The following DCAF12 variants were observed in gnomAD, a reference collection of about 807,000 sequenced individuals.
The protein encoded by DCAF12 is DDB1 and CUL4 associated factor 12.
DCAF12 carries 28 observed loss-of-function variants against 52.8 expected under a neutral mutation model. The observed-to-expected ratio is 0.53, with a 90% CI of 0.39 to 0.73. The LOEUF is 0.73. DCAF12 is among the 30% of genes least tolerant of loss of function. The pLI, the probability that DCAF12 is intolerant of heterozygous loss-of-function variation, is 0.00. For missense variants in DCAF12, 425 were observed against 552.2 expected (o/e 0.77, Z 2.31); for synonymous variants, 196 against 215.5 (o/e 0.91, Z 0.79).
intron 6 of DCAF12, among the ~76,000 whole-genome samples, chr9:34,094,531 CTTTT>C (rs903364873): frequency 1.4e-5 from 2 of 141,134 alleles, no homozygotes; most frequent in African/African-American, 5.2e-5. Context: ...ATTTCTCCAG[CTTTT>C]TTTTTTTTTT....
intron 5 of DCAF12, 83 bp downstream of exon 5, chr9:34,098,241 C>T: frequency 7.0e-7 from 1 of 1,429,102 alleles, no homozygotes; most frequent in Admixed American, 1.9e-5. Flanking sequence ...GTAGCAAGCA[C>T]TGATGGGGAA....
intron 2 of DCAF12, among the ~76,000 whole-genome samples, chr9:34,118,909 G>A (rs1057207314): frequency 1.3e-5 from 2 of 152,170 alleles, no homozygotes; most frequent in Non-Finnish European, 2.9e-5. Context: ...AGATTGCAGT[G>A]AGCCAAGATT....
Position 34,087,713 on chromosome 9 carries a change from C to T in DCAF12, c.*637G>A, listed in dbSNP as rs1201489436. ...GATTTTCCCAGTGGTAATTTCTTTT[C>T]CTTTCTGTTTTTACTTCCTATTATC... On this transcript the variant is annotated 3_prime_UTR_variant, in exon 9 of 9. Transcript: ENST00000361264. 2 of 152,186 alleles carry T rather than the reference C, an allele frequency of 1.3e-5. No individual in the cohort carries two copies. The highest frequency in any genetic ancestry group is 2.9e-5 in the Non-Finnish European group (2 of 68,038). The allele number at this position is 152,186 out of a possible 1,614,324, so 9.4% of individuals were successfully genotyped here. A position where few individuals can be genotyped will look rare whatever the true frequency, so the allele number is the denominator to read the frequency against.
rs565210505 is a variant in DCAF12, at chr9:34,099,514, G to A, written c.602-997C>T. 2.6e-5 allele frequency among the ~76,000 whole-genome samples: 4 copies of A among 152,064 alleles called. 1 individual carries two copies. Among genetic ancestry groups the A allele is most frequent in the Admixed American group, 1.3e-4 (2 of 15,252 alleles). ...CTCAACGTTCTGGGATTACAGGCAT[G>A]AGCCACCGCGCCTTACTCGAAATTC... On this transcript the variant is annotated intron_variant, in intron 4 of 8. Transcript: ENST00000361264.
chr9:34,126,100 A>T (rs1235967727), intron 1 of DCAF12, among the ~76,000 whole-genome samples: 1 of 152,078 alleles, frequency 6.6e-6, no homozygotes, highest in East Asian at 1.9e-4. Context: ...TTTCTTTTCA[A>T]GCCCTATCCA....
At position 34,088,104 on chromosome 9, in the gene DCAF12, T is replaced by G. The variant is rs1828587814; in HGVS notation, c.*246A>C. ...GAAAAATAGGGATTAGCAACAATGTTTGGTTGAAAAGCCAGAAATAATAAA... is the reference window on the plus strand; with the variant it reads ...GAAAAATAGGGATTAGCAACAATGTGTGGTTGAAAAGCCAGAAATAATAAA... On this transcript the variant is annotated 3_prime_UTR_variant, in exon 9 of 9. Transcript: ENST00000361264. The G allele has an allele frequency of 3.0e-6, 1 of 330,568 alleles. No individual in the cohort carries two copies. The highest frequency in any genetic ancestry group is 2.1e-5 in the African/African-American group (1 of 46,530). 20.5% of individuals were successfully genotyped at this position (330,568 alleles called of 1,614,324 possible). A position where few individuals can be genotyped will look rare whatever the true frequency, so the allele number is the denominator to read the frequency against.
At chr9:34,102,678 A>AACAAC (rs1828848029) in intron 4 of DCAF12, among the ~76,000 whole-genome samples, 1 of 90,756 alleles carries the variant, frequency 1.1e-5, no homozygotes, top group Non-Finnish European at 2.6e-5. Context: ...ACAACAACAA[A>AACAAC]AAACAAGAAC....
intron 4 of DCAF12, 56 bp from the exon 5 acceptor site, chr9:34,098,573 C>A: frequency 6.5e-7 from 1 of 1,542,784 alleles, no homozygotes; most frequent in Non-Finnish European, 8.8e-7. Flanking sequence ...ATGGGAAATC[C>A]CACAGACGCC....
chr9:34,088,912 C>A (rs961666414), intron 8 of DCAF12, among the ~76,000 whole-genome samples: 3 of 151,922 alleles, frequency 2.0e-5, no homozygotes, highest in Non-Finnish European at 4.4e-5. Context: ...GAGTTTGAGA[C>A]CAGCCTGGGC....
Position 34,093,383 on chromosome 9 carries a change from T to G in DCAF12, c.927A>C (p.Ser309=). The G allele has an allele frequency of 6.2e-7, 1 of 1,614,230 alleles. No homozygotes were observed. The highest frequency in any genetic ancestry group is 8.5e-7 in the Non-Finnish European group (1 of 1,180,046). ...NVCLAYGSEW[S]VYAVGSQAHV... Reference sequence around the variant, plus strand: ...GAGCTTGGGAGCCCACTGCATAAACTGACCATTCACTACCATAAGCCAGAC... The same window carrying G: ...GAGCTTGGGAGCCCACTGCATAAACGGACCATTCACTACCATAAGCCAGAC... The change falls in exon 7 of 9, where the codon TCA becomes TCC. Residue 309 remains serine, a synonymous_variant. Coordinates refer to ENST00000361264, the MANE Select transcript of DCAF12 (RefSeq NM_015397.4).
At chr9:34,096,658 A>G in intron 6 of DCAF12, 58 bp downstream of exon 6, 1 of 1,427,192 alleles carries the variant, frequency 7.0e-7, no homozygotes. Context: ...CTAGAATTAC[A>G]GTATTTTAAC....
At chr9:34,113,650 TTAAAAAACAA>T (rs2131439320) in intron 2 of DCAF12, among the ~76,000 whole-genome samples, 1 of 152,228 alleles carries the variant, frequency 6.6e-6, no homozygotes, top group Admixed American at 6.6e-5. Flanking sequence ...TGAATTTTCT[TTAAAAAACAA>T]TACAAAACAC....
chr9:34,092,817 A>G (rs1237738558), intron 7 of DCAF12, among the ~76,000 whole-genome samples: 1 of 152,162 alleles, frequency 6.6e-6, no homozygotes, highest in African/African-American at 2.4e-5. Flanking sequence ...GGTGTTTGAA[A>G]GTCTAGTGCC....
intron 2 of DCAF12, among the ~76,000 whole-genome samples, chr9:34,116,052 G>C (rs922178616): frequency 1.3e-5 from 2 of 152,130 alleles, no homozygotes; most frequent in African/African-American, 2.4e-5. Context: ...TGGGGAATAA[G>C]GAGGAACAAA....
Position 34,107,485 on chromosome 9 carries a change from C to T in DCAF12, c.414G>A (p.Gln138=). 6.2e-7 allele frequency: 1 copy of T among 1,614,162 alleles called. No homozygotes were observed. The highest frequency in any genetic ancestry group is 8.5e-7 in the Non-Finnish European group (1 of 1,180,020). Residue 138 remains glutamine, a synonymous_variant, in exon 3 of 9, where the codon CAG becomes CAA. Coordinates refer to ENST00000361264, the MANE Select transcript of DCAF12 (RefSeq NM_015397.4). ...CGATGGCATGGATACCACAGCCCTG[C>T]TGGGTCACACCTCCAGGCTCCCGGT... ...LKDREPGGVT[Q]QGCGIHAIEL...
At chr9:34,123,757 C>G (rs1829207752) in intron 2 of DCAF12, among the ~76,000 whole-genome samples, 1 of 152,074 alleles carries the variant, frequency 6.6e-6, no homozygotes. Flanking sequence ...CACTATGATG[C>G]ACGTGCGGGG....
intron 4 of DCAF12, among the ~76,000 whole-genome samples, chr9:34,099,072 CT>C (rs574114455): frequency 2.1e-3 from 248 of 116,216 alleles, no homozygotes; most frequent in Admixed American, 2.6e-3. Context: ...ACCTGGTCTG[CT>C]TTTTTTTTTT....
chr9:34,117,406 G>A (rs1018921455), intron 2 of DCAF12, among the ~76,000 whole-genome samples: 4 of 151,694 alleles, frequency 2.6e-5, no homozygotes, highest in Admixed American at 1.3e-4. Context: ...TGCCTCGGCC[G>A]GCCAAAGTGC....
intron 4 of DCAF12, among the ~76,000 whole-genome samples, chr9:34,105,967 C>CT: frequency 6.6e-6 from 1 of 152,080 alleles, no homozygotes; most frequent in Non-Finnish European, 1.5e-5. Context: ...CCAGCCTGGT[C>CT]TCGAACTCCT....
Sources: allele counts gnomAD v4.1 joint callset (sites outside exome capture counted in the v4.1 genomes callset), GRCh38; gene constraint gnomAD v4.1.1; transcripts MANE v1.5; gene names NCBI Gene and HGNC (gene_info 2026-07-23, HGNC 2026-07-21).